SH3KBP1: variants seen among roughly 807,000 people sequenced by gnomAD.
SH3KBP1 encodes the protein SH3 domain containing kinase binding protein 1.
A neutral mutation model predicts 50.1 loss-of-function variants in SH3KBP1; 8 were observed. The ratio of observed to expected loss-of-function variants is 0.16; its 90% CI spans 0.09 to 0.29. The LOEUF is 0.29. SH3KBP1 is among the 10% of genes least tolerant of loss of function. The pLI, the probability that SH3KBP1 is intolerant of heterozygous loss-of-function variation, is 1.00. For missense variants in SH3KBP1, 377 were observed against 535.2 expected (o/e 0.70, Z 2.92); for synonymous variants, 227 against 218.6 (o/e 1.04, Z -0.34).
At chrX:19,850,510 C>T (rs1218559614) in intron 1 of SH3KBP1, among the ~76,000 whole-genome samples, 1 of 111,553 alleles carries the variant, frequency 9.0e-6, no homozygotes, top group Non-Finnish European at 1.9e-5. Context: ...GTAAGTAGCA[C>T]AATCAAAAGT....
intron 1 of SH3KBP1, among the ~76,000 whole-genome samples, chrX:19,847,673 T>A (rs1449634021): frequency 8.9e-6 from 1 of 112,223 alleles, no homozygotes; most frequent in South Asian, 3.7e-4. Flanking sequence ...TCATCCTAAG[T>A]TTCACCAATG....
intron 15 of SH3KBP1, among the ~76,000 whole-genome samples, chrX:19,543,913 G>A (rs927839555): frequency 9.0e-6 from 1 of 111,335 alleles, no homozygotes; most frequent in African/African-American, 3.3e-5. Context: ...GTGGCGAGGA[G>A]GGAAAAGAGT....
chrX:19,674,646 C>T lies in SH3KBP1; in HGVS notation c.726+9177G>A, dbSNP rs1006914795. 3.6e-5 allele frequency among the ~76,000 whole-genome samples: 4 copies of T among 112,563 alleles called. No individual in the cohort carries two copies. In the South Asian group the frequency reaches 1.4e-3, roughly 41 times the overall value. On this transcript the variant is annotated intron_variant, in intron 6 of 17. Coordinates refer to ENST00000397821, the MANE Select transcript of SH3KBP1 (RefSeq NM_031892.3). Reference sequence around the variant, plus strand: ...TATTTTCATAAACTGTAAATGGTGACTAACACAGACAAGGTCCCAAATTAT... The same window carrying T: ...TATTTTCATAAACTGTAAATGGTGATTAACACAGACAAGGTCCCAAATTAT...
intron 13 of SH3KBP1, among the ~76,000 whole-genome samples, chrX:19,558,619 T>A (rs2065564540): frequency 8.9e-6 from 1 of 111,937 alleles, no homozygotes; most frequent in African/African-American, 3.2e-5. Context: ...TTTATCCTAA[T>A]CCATTTTCAA....
intron 12 of SH3KBP1, among the ~76,000 whole-genome samples, chrX:19,571,604 G>T (rs1044799915): frequency 4.5e-5 from 5 of 112,165 alleles, no homozygotes; most frequent in Non-Finnish European, 7.5e-5. Flanking sequence ...CAGATATAAA[G>T]AAATACATTC....
At chrX:19,860,503 T>C (rs2068753608) in intron 1 of SH3KBP1, among the ~76,000 whole-genome samples, 1 of 111,005 alleles carries the variant, frequency 9.0e-6, no homozygotes. Flanking sequence ...GGGTACAGAG[T>C]TTCTGTTTAA....
intron 15 of SH3KBP1, among the ~76,000 whole-genome samples, chrX:19,544,691 C>T (rs1046134323): frequency 8.0e-5 from 9 of 112,013 alleles, no homozygotes; most frequent in East Asian, 2.8e-4. Context: ...CTATATGACA[C>T]GCTCTCCCGG....
chrX:19,874,887 CAG>C (rs1223759342), intron 1 of SH3KBP1, among the ~76,000 whole-genome samples: 4 of 100,455 alleles, frequency 4.0e-5, no homozygotes, highest in Non-Finnish European at 6.0e-5. Flanking sequence ...GTGAGGGAGA[CAG>C]GGTGAAGAGG....
In SH3KBP1 at chrX:19,718,139, T is replaced by TACACACACACAC. The variant is rs35514461; in HGVS notation, c.287-11167_287-11156dup. Among the ~76,000 whole-genome samples the TACACACACACAC allele has an allele frequency of 1.9e-3, 172 of 91,087 alleles. 1 individual carries two copies. Among genetic ancestry groups the TACACACACACAC allele is most frequent in the African/African-American group, 6.3e-3 (158 of 24,903 alleles). 79.1% of individuals were successfully genotyped at this position (91,087 alleles called of 115,157 possible). On this transcript the variant is annotated intron_variant, in intron 3 of 17. Coordinates refer to ENST00000397821, the MANE Select transcript of SH3KBP1 (RefSeq NM_031892.3). ...TATACTATGATCCCAATTTTATAAATACACACACACACACACACACACACA... is the reference window on the plus strand; with the variant it reads ...TATACTATGATCCCAATTTTATAAATACACACACACACACACACACACACACACACACACACA...
At chrX:19,646,653 C>A (rs2061996571) in intron 6 of SH3KBP1, among the ~76,000 whole-genome samples, 1 of 112,492 alleles carries the variant, frequency 8.9e-6, no homozygotes, top group African/African-American at 3.2e-5. Context: ...TCAAAAAAAA[C>A]TGATTCACCA....
chrX:19,546,166 C>A (rs145571575), intron 14 of SH3KBP1, 116 bp from the exon 15 acceptor site: 22 of 881,801 alleles, frequency 2.5e-5, no homozygotes, highest in Non-Finnish European at 4.8e-6. Context: ...TGTCTTCTCA[C>A]GATAACCCTG....
At chrX:19,722,464 C>G (rs1018918338) in intron 3 of SH3KBP1, among the ~76,000 whole-genome samples, 1 of 111,503 alleles carries the variant, frequency 9.0e-6, no homozygotes, top group African/African-American at 3.3e-5. Context: ...AAAGAGGTCA[C>G]TAGGGCTTCC....
At chrX:19,596,356 A>G (rs983053179) in intron 9 of SH3KBP1, among the ~76,000 whole-genome samples, 1 of 112,143 alleles carries the variant, frequency 8.9e-6, no homozygotes, top group African/African-American at 3.2e-5. Flanking sequence ...ACGTACCTTA[A>G]TTTAAAAATA....
chrX:19,694,248 T>A (rs2063360986), intron 5 of SH3KBP1, among the ~76,000 whole-genome samples: 1 of 112,198 alleles, frequency 8.9e-6, no homozygotes, highest in Admixed American at 9.4e-5. Context: ...TATTATGGGA[T>A]CTAATTACCA....
At chrX:19,537,691 G>T in intron 17 of SH3KBP1, 26 bp downstream of exon 17, 1 of 1,194,358 alleles carries the variant, frequency 8.4e-7, no homozygotes, top group East Asian at 3.0e-5. Context: ...TAGGACTCAC[G>T]GGCAGCAGAA....
At chrX:19,828,224 C>T (rs1312091994) in intron 2 of SH3KBP1, among the ~76,000 whole-genome samples, 2 of 110,141 alleles carry the variant, frequency 1.8e-5, no homozygotes, top group East Asian at 2.8e-4. Context: ...TTGAACCTAA[C>T]TTAGCAATCT....
chrX:19,882,409 C>A (rs774742136), intron 1 of SH3KBP1, among the ~76,000 whole-genome samples: 28 of 111,309 alleles, frequency 2.5e-4, no homozygotes, highest in African/African-American at 8.5e-4. Context: ...GGAGTCCATA[C>A]ACATGGAAAA....
intron 3 of SH3KBP1, among the ~76,000 whole-genome samples, chrX:19,736,003 C>A (rs941574283): frequency 9.0e-6 from 1 of 111,662 alleles, no homozygotes; most frequent in Non-Finnish European, 1.9e-5. Context: ...GAATTATAGG[C>A]GTGAGCCACC....
chrX:19,782,242 C>T (rs1275472844), intron 2 of SH3KBP1, among the ~76,000 whole-genome samples: 1 of 111,353 alleles, frequency 9.0e-6, no homozygotes, highest in Non-Finnish European at 1.9e-5. Flanking sequence ...AGGAGTGATG[C>T]GGCTGGAAGC....
Sources: gnomAD v4.1 joint callset for allele counts (sites outside exome capture counted in the v4.1 genomes callset) on GRCh38, gnomAD v4.1.1 for gene constraint, MANE v1.5 for transcripts, NCBI Gene and HGNC (gene_info 2026-07-23, HGNC 2026-07-21) for gene names.